Variants in FANCC observed in about 807,000 individuals in gnomAD.
FANCC encodes the protein FA complementation group C.
In FANCC, 55 loss-of-function variants were observed where a neutral mutation model predicts 71.3. The observed-to-expected ratio is 0.77, with a 90% CI of 0.62 to 0.97. The LOEUF (loss-of-function observed/expected upper bound fraction) is 0.97, where lower values mean the gene tolerates loss of function less well. Among genes scored for constraint, FANCC ranks in the 50% least tolerant of loss-of-function variants. The pLI is 0.00. For missense variants in FANCC, 678 were observed against 670.9 expected (o/e 1.01, Z -0.12); for synonymous variants, 275 against 244.9 (o/e 1.12, Z -1.15).
chr9:95,276,073 G>A (rs1396956507), intron 1 of FANCC, among the ~76,000 whole-genome samples: 4 of 152,140 alleles, frequency 2.6e-5, no homozygotes, highest in Non-Finnish European at 5.9e-5. Flanking sequence ...AGTGAGAAAA[G>A]TTCCTGTTCC....
intron 8 of FANCC, among the ~76,000 whole-genome samples, chr9:95,130,172 A>G (rs894646231): frequency 1.3e-5 from 2 of 152,276 alleles, no homozygotes; most frequent in African/African-American, 4.8e-5. Flanking sequence ...TGTTATTTTC[A>G]TACCAACTCA....
At chr9:95,285,300 T>C (rs1355126294) in intron 1 of FANCC, among the ~76,000 whole-genome samples, 1 of 152,006 alleles carries the variant, frequency 6.6e-6, no homozygotes, top group Admixed American at 6.6e-5. Context: ...CTAAACAAAC[T>C]AATATCCAAA....
chr9:95,192,194 G>C (rs775810433), intron 4 of FANCC, among the ~76,000 whole-genome samples: 5 of 152,170 alleles, frequency 3.3e-5, no homozygotes, highest in Non-Finnish European at 7.4e-5. Flanking sequence ...CATCTGCTGG[G>C]ACCAACGACA....
chr9:95,161,986 C>T (rs1452081705), intron 6 of FANCC, among the ~76,000 whole-genome samples: 3 of 152,192 alleles, frequency 2.0e-5, no homozygotes, highest in East Asian at 3.9e-4. Flanking sequence ...GGATTACAGG[C>T]ACCCGCCACC....
chr9:95,178,096 T>C (rs1302223341), intron 4 of FANCC, among the ~76,000 whole-genome samples: 2 of 152,148 alleles, frequency 1.3e-5, no homozygotes, highest in Non-Finnish European at 2.9e-5. Context: ...ATTTAATGTG[T>C]GGACCAAGAC....
chr9:95,120,962 CA>C (rs765030695), intron 10 of FANCC, among the ~76,000 whole-genome samples: 12 of 152,158 alleles, frequency 7.9e-5, no homozygotes, highest in South Asian at 2.1e-4. Flanking sequence ...CTCCTGGCCC[CA>C]CACTGCCTGC....
At chr9:95,138,103 A>G (rs1827995823) in intron 7 of FANCC, among the ~76,000 whole-genome samples, 1 of 152,264 alleles carries the variant, frequency 6.6e-6, no homozygotes, top group Non-Finnish European at 1.5e-5. Context: ...TTGAATCCTC[A>G]TTAACAGCCC....
intron 1 of FANCC, among the ~76,000 whole-genome samples, chr9:95,286,977 C>T (rs1383914565): frequency 6.6e-6 from 1 of 151,976 alleles, no homozygotes; most frequent in African/African-American, 2.4e-5. Flanking sequence ...TAGCTTCCTC[C>T]TTAAGGGAAT....
chr9:95,158,831 C>T (rs144324596), intron 6 of FANCC, among the ~76,000 whole-genome samples: 181 of 152,272 alleles, frequency 1.2e-3, no homozygotes, highest in African/African-American at 4.1e-3. Flanking sequence ...CTTTGAGTAG[C>T]TCTGGTGTAG....
At chr9:95,123,593 A>C in intron 10 of FANCC, 1 of 590,168 alleles carries the variant, frequency 1.7e-6, no homozygotes, top group South Asian at 1.4e-5. Flanking sequence ...TTGCGACACG[A>C]ACTGTGCCCA....
chr9:95,254,719 C>A (rs567481096), intron 1 of FANCC, among the ~76,000 whole-genome samples: 6 of 152,138 alleles, frequency 3.9e-5, no homozygotes, highest in Non-Finnish European at 8.8e-5. Flanking sequence ...GGAACACCAG[C>A]GAGACAGAAC....
chr9:95,299,801 T>C (rs933134748), intron 1 of FANCC, among the ~76,000 whole-genome samples: 1 of 152,120 alleles, frequency 6.6e-6, no homozygotes, highest in African/African-American at 2.4e-5. Flanking sequence ...GTCGAGGCCA[T>C]AGTGAGCCAT....
chr9:95,203,441 G>A (rs1380924554), intron 4 of FANCC, among the ~76,000 whole-genome samples: 4 of 146,892 alleles, frequency 2.7e-5, no homozygotes, highest in Non-Finnish European at 4.5e-5. Flanking sequence ...CCTCGTAACC[G>A]CAGGCTAATT....
intron 6 of FANCC, among the ~76,000 whole-genome samples, chr9:95,169,844 C>T (rs1402668406): frequency 6.6e-6 from 1 of 152,132 alleles, no homozygotes; most frequent in Non-Finnish European, 1.5e-5. Flanking sequence ...CTGAAGAACG[C>T]CTTTAATGTT....
At chr9:95,106,486 A>G (rs1394376810) in intron 14 of FANCC, among the ~76,000 whole-genome samples, 1 of 152,088 alleles carries the variant, frequency 6.6e-6, no homozygotes, top group Non-Finnish European at 1.5e-5. Flanking sequence ...CAATTTATCT[A>G]TTGTTTTCTT....
At chr9:95,282,491 A>G (rs1443923757) in intron 1 of FANCC, among the ~76,000 whole-genome samples, 1 of 152,188 alleles carries the variant, frequency 6.6e-6, no homozygotes, top group Non-Finnish European at 1.5e-5. Flanking sequence ...CTAGTAGAAG[A>G]GTTTAACACC....
chr9:95,153,053 T>C (rs1458574137), intron 6 of FANCC, among the ~76,000 whole-genome samples: 6 of 152,230 alleles, frequency 3.9e-5, no homozygotes, highest in Non-Finnish European at 5.9e-5. Flanking sequence ...GACAAGCTTG[T>C]TGTATGTCTC....
At chr9:95,245,869 C>T (rs1414856220) in intron 3 of FANCC, among the ~76,000 whole-genome samples, 10 of 150,772 alleles carry the variant, frequency 6.6e-5, no homozygotes, top group Non-Finnish European at 1.3e-4. Flanking sequence ...TGCACTCCAG[C>T]CTGGGTTGAC....
chr9:95,271,924 C>CTT (rs1300486732), intron 1 of FANCC, among the ~76,000 whole-genome samples: 1 of 67,238 alleles, frequency 1.5e-5, no homozygotes, highest in Non-Finnish European at 3.1e-5. Context: ...CATCAAGCCT[C>CTT]TTCTTTTTTT....
Sources: gnomAD v4.1 joint callset for allele counts (sites outside exome capture counted in the v4.1 genomes callset) on GRCh38, gnomAD v4.1.1 for gene constraint, MANE v1.5 for transcripts, NCBI Gene and HGNC (gene_info 2026-07-23, HGNC 2026-07-21) for gene names.